Variants in RARB observed in about 807,000 individuals in gnomAD.
RARB encodes the protein retinoic acid receptor beta.
Under a neutral mutation model 51.9 loss-of-function variants are expected in RARB, and 17 were observed. That is an observed-to-expected ratio of 0.33 (90% CI 0.22 to 0.49). The LOEUF (loss-of-function observed/expected upper bound fraction) is 0.49. RARB is among the 20% of genes least tolerant of loss of function. The probability of loss-of-function intolerance (pLI) is 0.99; values close to 1 mark genes in which losing one functional copy is unlikely to be tolerated. For missense variants in RARB, 369 were observed against 550.8 expected, an observed-to-expected ratio of 0.67 and a Z score of 3.30; for synonymous variants, 215 against 195.4, an observed-to-expected ratio of 1.10 and a Z score of -0.84.
At chr3:24,839,721 G>A (rs1236259731) in intron 1 of RARB, among the ~76,000 whole-genome samples, 58 of 6,322 alleles carry the variant, frequency 9.2e-3, no homozygotes, top group African/African-American at 0.018. Context: ...AAAAAAAAAG[G>A]GGGGGGGGGT....
intron 5 of RARB, among the ~76,000 whole-genome samples, chr3:25,179,427 CTACTG>C (rs1247209770): frequency 2.0e-5 from 3 of 152,110 alleles, no homozygotes; most frequent in African/African-American, 7.2e-5. Flanking sequence ...TGCAATGACT[CTACTG>C]GACAGGAATC....
At chr3:25,236,037 C>T (rs1325765432) in intron 5 of RARB, among the ~76,000 whole-genome samples, 1 of 152,076 alleles carries the variant, frequency 6.6e-6, no homozygotes, top group African/African-American at 2.4e-5. Context: ...TGAGTTATTT[C>T]AGAGGATCTT....
intron 1 of RARB, among the ~76,000 whole-genome samples, chr3:24,831,931 C>T (rs1450653620): frequency 8.5e-5 from 13 of 152,084 alleles, no homozygotes; most frequent in Admixed American, 8.5e-4. Context: ...TTCAGACTTT[C>T]AAAGGTTAAA....
At chr3:25,439,495 T>G (rs1708571503) in intron 1 of RARB, among the ~76,000 whole-genome samples, 1 of 152,154 alleles carries the variant, frequency 6.6e-6, no homozygotes, top group South Asian at 2.1e-4. Context: ...AGCCTCAACC[T>G]GCTGGGCTGA....
intron 5 of RARB, among the ~76,000 whole-genome samples, chr3:25,224,440 G>A (rs1702010687): frequency 6.6e-6 from 1 of 152,146 alleles, no homozygotes; most frequent in Non-Finnish European, 1.5e-5. Flanking sequence ...TGTACTGGAA[G>A]CAGACCAAGC....
At position 25,338,982 on chromosome 3, in the gene RARB, T is replaced by C. The variant is rs893252577; in HGVS notation, c.179-122211T>C. On this transcript the variant is annotated intron_variant, in intron 5 of 11. Transcript: ENST00000383772. ...GAGTAGTAGTGCTCACTACTTTCCA[T>C]ATAATAAATATTTGATTATCACCTC... 2.0e-5 allele frequency among the ~76,000 whole-genome samples: 3 copies of C among 152,158 alleles called. No individual in the cohort carries two copies. The South Asian group carries it at 6.2e-4, about 32-fold the overall frequency.
intron 1 of RARB, among the ~76,000 whole-genome samples, chr3:25,460,956 G>A (rs1341273391): frequency 6.6e-6 from 1 of 152,110 alleles, no homozygotes; most frequent in Non-Finnish European, 1.5e-5. Context: ...TCACAGTTCT[G>A]TGTGAGCTGT....
intron 3 of RARB, among the ~76,000 whole-genome samples, chr3:25,106,592 T>G (rs1699509218): frequency 6.6e-6 from 1 of 151,458 alleles, no homozygotes; most frequent in African/African-American, 2.4e-5. Context: ...CATGAGCCCA[T>G]GGCACCTGGC....
intron 1 of RARB, chr3:25,458,357 C>T (rs1275126859): frequency 2.0e-5 from 3 of 152,142 alleles, no homozygotes; most frequent in Non-Finnish European, 4.4e-5. Context: ...TCTGGAAGGT[C>T]GTACACAGTG....
intron 2 of RARB, among the ~76,000 whole-genome samples, chr3:24,995,006 T>A (rs1381242568): frequency 1.3e-5 from 2 of 152,106 alleles, no homozygotes; most frequent in African/African-American, 4.8e-5. Flanking sequence ...TGTTAGGATA[T>A]TTTTTCTATT....
rs1001316586 is a variant in RARB at position 25,194,926 on chromosome 3, G to A, written c.178+20351G>A. Reference sequence around the variant, plus strand: ...TGCTTTTCAAAGCATGCTTGAAAGAGTATGGTGGAAAAGGACACTAATTCA... The same window carrying A: ...TGCTTTTCAAAGCATGCTTGAAAGAATATGGTGGAAAAGGACACTAATTCA... On this transcript the variant is annotated intron_variant, in intron 5 of 11. Coordinates refer to the RARB transcript ENST00000383772. Among the ~76,000 whole-genome samples the A allele has an allele frequency of 3.3e-5, 5 of 151,890 alleles. No individual in the cohort carries two copies. The East Asian group carries it at 9.7e-4, about 29-fold the overall frequency.
chr3:24,939,748 C>T (rs758272307), intron 2 of RARB, among the ~76,000 whole-genome samples: 1 of 152,220 alleles, frequency 6.6e-6, no homozygotes, highest in African/African-American at 2.4e-5. Flanking sequence ...CAATTACACT[C>T]TTCTGGGCTT....
intron 5 of RARB, among the ~76,000 whole-genome samples, chr3:25,204,845 G>A (rs1374928217): frequency 6.6e-6 from 1 of 152,204 alleles, no homozygotes; most frequent in East Asian, 1.9e-4. Flanking sequence ...ACTTGGGGGT[G>A]CCTGCCAGTT....
intron 2 of RARB, among the ~76,000 whole-genome samples, chr3:24,890,950 A>C (rs778375015): frequency 1.2e-4 from 18 of 152,180 alleles, no homozygotes; most frequent in Non-Finnish European, 2.1e-4. Flanking sequence ...AATGGGGATA[A>C]TTAGAGGTAT....
At chr3:25,506,460 T>C (rs1453865535) in intron 3 of RARB, among the ~76,000 whole-genome samples, 1 of 151,904 alleles carries the variant, frequency 6.6e-6, no homozygotes, top group Non-Finnish European at 1.5e-5. Context: ...TTTTAAAAAT[T>C]AGCTGAGAGT....
intron 3 of RARB, among the ~76,000 whole-genome samples, chr3:25,514,873 G>A (rs1293555329): frequency 6.6e-6 from 1 of 152,214 alleles, no homozygotes; most frequent in Non-Finnish European, 1.5e-5. Context: ...CCCACTTTAT[G>A]TCCTGAAAGT....
At chr3:25,161,561 G>GGTCTCCACACTTTCATCA (rs1700473664) in intron 4 of RARB, among the ~76,000 whole-genome samples, 1 of 152,122 alleles carries the variant, frequency 6.6e-6, no homozygotes, top group African/African-American at 2.4e-5. Context: ...TACTTTCATC[G>GGTCTCCACACTTTCATCA]TGGTCTCCAC....
chr3:25,263,426 C>G (rs1198679170), intron 5 of RARB, among the ~76,000 whole-genome samples: 1 of 152,100 alleles, frequency 6.6e-6, no homozygotes, highest in Non-Finnish European at 1.5e-5. Flanking sequence ...ATTTTGCCAA[C>G]CCAAACAATC....
intron 1 of RARB, among the ~76,000 whole-genome samples, chr3:25,452,861 A>T (rs976896755): frequency 6.6e-6 from 1 of 152,238 alleles, no homozygotes; most frequent in African/African-American, 2.4e-5. Context: ...GTAGGCGCTC[A>T]GTAAATAGTA....
Sources: gnomAD v4.1 joint callset for allele counts (sites outside exome capture counted in the v4.1 genomes callset) on GRCh38, gnomAD v4.1.1 for gene constraint, MANE v1.5 for transcripts, NCBI Gene and HGNC (gene_info 2026-07-23, HGNC 2026-07-21) for gene names.